The following GALNTL6 variants were observed in gnomAD, a reference collection of about 807,000 sequenced individuals.
GALNTL6 encodes polypeptide N-acetylgalactosaminyltransferase-like 6.
In GALNTL6, 46 loss-of-function variants were observed where a neutral mutation model predicts 73.7. The ratio of observed to expected loss-of-function variants is 0.62; its 90% CI spans 0.49 to 0.80. The LOEUF (loss-of-function observed/expected upper bound fraction) is 0.80. GALNTL6 is among the 30% of genes least tolerant of loss of function. GALNTL6 has a pLI of 0.00. For missense variants in GALNTL6, 604 were observed against 755.0 expected (o/e 0.80, Z 2.34); for synonymous variants, 259 against 263.7 (o/e 0.98, Z 0.17).
At chr4:172,247,904 T>A (rs1737717473) in intron 3 of GALNTL6, among the ~76,000 whole-genome samples, 1 of 152,230 alleles carries the variant, frequency 6.6e-6, no homozygotes. Context: ...TAATAAATGC[T>A]TATTGAAATT....
intron 8 of GALNTL6, among the ~76,000 whole-genome samples, chr4:172,893,347 G>A (rs964881245): frequency 4.0e-5 from 6 of 150,202 alleles, no homozygotes; most frequent in African/African-American, 9.7e-5. Flanking sequence ...GAGAGTGGCG[G>A]GGGGGGGGTC....
At chr4:173,036,143 C>T (rs951038511) in intron 12 of GALNTL6, among the ~76,000 whole-genome samples, 2 of 152,170 alleles carry the variant, frequency 1.3e-5, no homozygotes, top group East Asian at 1.9e-4. Context: ...GATGAATCCC[C>T]TACGCCACAA....
At chr4:172,209,338 G>T (rs1736250449) in intron 2 of GALNTL6, among the ~76,000 whole-genome samples, 1 of 151,542 alleles carries the variant, frequency 6.6e-6, no homozygotes, top group Admixed American at 6.6e-5. Flanking sequence ...TTATTTAATA[G>T]TTCCCTCCAC....
At chr4:172,409,173 A>G (rs1561070017) in intron 5 of GALNTL6, among the ~76,000 whole-genome samples, 1 of 152,152 alleles carries the variant, frequency 6.6e-6, no homozygotes, top group South Asian at 2.1e-4. Flanking sequence ...TATTTTCAAA[A>G]CATGTATTTC....
At chr4:172,397,567 T>C (rs1448536735) in intron 5 of GALNTL6, among the ~76,000 whole-genome samples, 2 of 150,484 alleles carry the variant, frequency 1.3e-5, no homozygotes, top group Admixed American at 1.3e-4. Context: ...ATTTATTTAT[T>C]TATTTATTTA....
chr4:172,712,358 T>C (rs925844376), intron 5 of GALNTL6, among the ~76,000 whole-genome samples: 5 of 152,142 alleles, frequency 3.3e-5, no homozygotes, highest in Non-Finnish European at 5.9e-5. Context: ...TAGTTACGTA[T>C]GTATACATGT....
chr4:172,580,950 T>C (rs1170787630), intron 5 of GALNTL6, among the ~76,000 whole-genome samples: 1 of 152,132 alleles, frequency 6.6e-6, no homozygotes, highest in Admixed American at 6.5e-5. Flanking sequence ...TTAGTAAAGA[T>C]GGAGTTTCTC....
chr4:172,247,526 T>A (rs1737703902), intron 3 of GALNTL6, among the ~76,000 whole-genome samples: 1 of 152,200 alleles, frequency 6.6e-6, no homozygotes, highest in South Asian at 2.1e-4. Flanking sequence ...ACTGTAAGAT[T>A]CTTAAATCAG....
chr4:172,333,068 C>G (rs777357846), intron 4 of GALNTL6, among the ~76,000 whole-genome samples: 11 of 152,140 alleles, frequency 7.2e-5, no homozygotes, highest in Non-Finnish European at 1.2e-4. Context: ...TGATCAGCCT[C>G]TTTTTATATA....
chr4:172,561,598 C>T (rs1271618465), intron 5 of GALNTL6, among the ~76,000 whole-genome samples: 3 of 152,198 alleles, frequency 2.0e-5, no homozygotes, highest in Non-Finnish European at 4.4e-5. Flanking sequence ...TCCAGACAGC[C>T]TGGCTGTGAC....
At chr4:172,517,851 G>A (rs1488463473) in intron 5 of GALNTL6, among the ~76,000 whole-genome samples, 7 of 152,016 alleles carry the variant, frequency 4.6e-5, no homozygotes, top group Admixed American at 4.6e-4. Context: ...AATTAAAAGA[G>A]CATGAAAAAA....
At chr4:173,026,727 G>C (rs1424048421) in intron 12 of GALNTL6, among the ~76,000 whole-genome samples, 2 of 152,128 alleles carry the variant, frequency 1.3e-5, no homozygotes, top group African/African-American at 4.8e-5. Flanking sequence ...TTTTCACACA[G>C]ATTTTTAGGG....
chr4:173,009,937 G>A (rs1752471820), intron 11 of GALNTL6, among the ~76,000 whole-genome samples: 1 of 152,156 alleles, frequency 6.6e-6, no homozygotes, highest in Non-Finnish European at 1.5e-5. Context: ...GTCATGCAAT[G>A]CATAACAATC....
chr4:172,917,708 C>T (rs1426346473), intron 8 of GALNTL6, among the ~76,000 whole-genome samples: 1 of 152,184 alleles, frequency 6.6e-6, no homozygotes, highest in Non-Finnish European at 1.5e-5. Context: ...GATACCATCT[C>T]ACACCAGTTA....
At chr4:172,922,700 A>G (rs1463918696) in intron 8 of GALNTL6, among the ~76,000 whole-genome samples, 1 of 152,246 alleles carries the variant, frequency 6.6e-6, no homozygotes, top group Admixed American at 6.5e-5. Context: ...TAATTGAAAG[A>G]AGAAGCCACC....
intron 2 of GALNTL6, among the ~76,000 whole-genome samples, chr4:171,987,386 G>A (rs1043142789): frequency 1.1e-4 from 16 of 152,162 alleles, no homozygotes; most frequent in African/African-American, 3.9e-4. Context: ...GAGATGGGAA[G>A]GCTAAACTGA....
intron 2 of GALNTL6, among the ~76,000 whole-genome samples, chr4:172,021,939 A>G (rs1487325124): frequency 6.6e-6 from 1 of 152,018 alleles, no homozygotes; most frequent in Non-Finnish European, 1.5e-5. Context: ...CTCAAATCCA[A>G]ATGAATTAAA....
chr4:172,692,548 T>C (rs1733375714), intron 5 of GALNTL6, among the ~76,000 whole-genome samples: 1 of 152,204 alleles, frequency 6.6e-6, no homozygotes, highest in East Asian at 1.9e-4. Flanking sequence ...TTATATGTCA[T>C]TGTTTAAATT....
intron 7 of GALNTL6, among the ~76,000 whole-genome samples, chr4:172,851,768 C>A (rs1376345893): frequency 6.6e-6 from 1 of 152,112 alleles, no homozygotes; most frequent in Non-Finnish European, 1.5e-5. Flanking sequence ...TTTGATTCAC[C>A]CACATTGGCA....
Sources: allele counts gnomAD v4.1 joint callset (sites outside exome capture counted in the v4.1 genomes callset), GRCh38; gene constraint gnomAD v4.1.1; transcripts MANE v1.5; gene names NCBI Gene and HGNC (gene_info 2026-07-23, HGNC 2026-07-21).